The following CYP39A1 variants were observed in gnomAD, a reference collection of about 807,000 sequenced individuals.
The protein encoded by CYP39A1 is 24-hydroxycholesterol 7-alpha-hydroxylase.
In CYP39A1, 49 loss-of-function variants were observed where a neutral mutation model predicts 58.1. That is an observed-to-expected ratio of 0.84 (90% CI 0.67 to 1.07). CYP39A1 has a LOEUF of 1.07. CYP39A1 is among the 50% of genes least tolerant of loss of function. The pLI is 0.00. For synonymous variants in CYP39A1, 209 were observed against 187.6 expected, an observed-to-expected ratio of 1.11 and a Z score of -0.93; for missense variants, 531 against 539.4, an observed-to-expected ratio of 0.98 and a Z score of 0.16.
At chr6:46,582,206 A>G (rs994658630) in intron 10 of CYP39A1, among the ~76,000 whole-genome samples, 3 of 152,214 alleles carry the variant, frequency 2.0e-5, no homozygotes, top group African/African-American at 7.2e-5. Context: ...CAAATTCCTC[A>G]GAATAAATTG....
intron 10 of CYP39A1, 88 bp from the exon 11 acceptor site, chr6:46,553,942 CAG>C: frequency 1.2e-6 from 1 of 817,038 alleles, no homozygotes; most frequent in South Asian, 1.7e-5. Context: ...ATACATATTT[CAG>C]AGTAAACATG....
intron 1 of CYP39A1, among the ~76,000 whole-genome samples, chr6:46,648,952 TG>T (rs1220388774): frequency 6.6e-6 from 1 of 152,324 alleles, no homozygotes; most frequent in Non-Finnish European, 1.5e-5. Flanking sequence ...GCTTAAAAAA[TG>T]GTAAATTCTA....
intron 1 of CYP39A1, 95 bp downstream of exon 1, chr6:46,652,311 C>G: frequency 8.1e-7 from 1 of 1,227,796 alleles, no homozygotes; most frequent in Non-Finnish European, 1.1e-6. Context: ...GGTATGTTCC[C>G]CGTGTTCTAG....
chr6:46,551,531 T>C (rs1429357520), intron 11 of CYP39A1, among the ~76,000 whole-genome samples: 2 of 152,230 alleles, frequency 1.3e-5, no homozygotes, highest in African/African-American at 4.8e-5. Flanking sequence ...CACAGATCCT[T>C]AAACTTTGTA....
intron 8 of CYP39A1, among the ~76,000 whole-genome samples, chr6:46,591,930 G>T (rs1446070046): frequency 1.3e-5 from 2 of 151,796 alleles, no homozygotes; most frequent in Non-Finnish European, 2.9e-5. Context: ...TAATTCTTTT[G>T]GCTTTATAAC....
In CYP39A1 at chr6:46,576,747, G is replaced by T. The variant is rs117556452; in HGVS notation, c.1250+10330C>A. Among the ~76,000 whole-genome samples, 12 of 152,114 alleles carry T rather than the reference G, an allele frequency of 7.9e-5. No homozygotes were observed. The East Asian group carries it at 2.1e-3, about 27-fold the overall frequency. On this transcript the variant is annotated intron_variant, in intron 10 of 11. Coordinates refer to ENST00000275016, the MANE Select transcript of CYP39A1 (RefSeq NM_016593.5). ...AACCAAGTTGAGGAAAGAATCTCAG[G>T]GCTTGAAGACAGCTCCTTCAAATCA... is the stretch of plus-strand genomic sequence containing the variant.
intron 1 of CYP39A1, among the ~76,000 whole-genome samples, chr6:46,650,590 A>T (rs1762624785): frequency 1.5e-5 from 2 of 136,948 alleles, no homozygotes; most frequent in South Asian, 4.7e-4. Context: ...CGGAATCTGG[A>T]ACTCCTGAGC....
In CYP39A1 at chr6:46,615,033, T is replaced by C. The variant is rs1352828881; in HGVS notation, c.931+10385A>G. Among the ~76,000 whole-genome samples the C allele has an allele frequency of 2.0e-5, 3 of 152,094 alleles. 1 individual carries two copies. Among genetic ancestry groups the C allele is most frequent in the African/African-American group, 4.8e-5 (2 of 41,426 alleles). On this transcript the variant is annotated intron_variant, in intron 7 of 11. Transcript: ENST00000275016. Reference sequence around the variant, plus strand: ...TTCAGTAACTCTTGATTCAAAGTCTTGGGTTGGTAGATCTGAATGGCAAAG... The same window carrying C: ...TTCAGTAACTCTTGATTCAAAGTCTCGGGTTGGTAGATCTGAATGGCAAAG...
At chr6:46,646,557 C>A (rs973763374) in intron 1 of CYP39A1, among the ~76,000 whole-genome samples, 3 of 151,932 alleles carry the variant, frequency 2.0e-5, no homozygotes, top group Non-Finnish European at 4.4e-5. Context: ...GGTTTGAGAT[C>A]AAGGTAATAC....
Position 46,556,153 on chromosome 6 carries a change from A to G in CYP39A1, c.1251-2299T>C, listed in dbSNP as rs561447101. 4.9e-4 allele frequency among the ~76,000 whole-genome samples: 75 copies of G among 152,350 alleles called. No homozygotes were observed. The Middle Eastern group carries it at 0.01, about 21-fold the overall frequency. ...AGTTGGTGTTATCTTCCTGCCTTAA[A>G]TAACTCAAAAACGGGGCAAACTCCA... On this transcript the variant is annotated intron_variant, in intron 10 of 11. Transcript: ENST00000275016.
At chr6:46,558,047 A>G (rs989224488) in intron 10 of CYP39A1, among the ~76,000 whole-genome samples, 11 of 152,056 alleles carry the variant, frequency 7.2e-5, no homozygotes, top group South Asian at 4.1e-4. Flanking sequence ...AAGTAGCCAG[A>G]AAACAAAGAC....
At chr6:46,560,733 G>T (rs1770930081) in intron 10 of CYP39A1, among the ~76,000 whole-genome samples, 4 of 152,104 alleles carry the variant, frequency 2.6e-5, no homozygotes, top group Admixed American at 2.6e-4. Context: ...TTAAAGCCAT[G>T]GGGCAGTATG....
intron 1 of CYP39A1, among the ~76,000 whole-genome samples, chr6:46,642,683 A>G (rs1294415581): frequency 6.6e-6 from 1 of 152,190 alleles, no homozygotes; most frequent in African/African-American, 2.4e-5. Context: ...AAAAGGTTCA[A>G]AATTGCCAAC....
At chr6:46,631,356 G>A (rs926463578) in intron 5 of CYP39A1, among the ~76,000 whole-genome samples, 12 of 152,132 alleles carry the variant, frequency 7.9e-5, no homozygotes, top group African/African-American at 2.9e-4. Flanking sequence ...CTGTGCCTCT[G>A]TGTCCTCATC....
At chr6:46,556,298 G>A (rs1770662184) in intron 10 of CYP39A1, among the ~76,000 whole-genome samples, 1 of 152,216 alleles carries the variant, frequency 6.6e-6, no homozygotes, top group Non-Finnish European at 1.5e-5. Flanking sequence ...TCACAGGTCT[G>A]AGAGTATTAT....
intron 7 of CYP39A1, among the ~76,000 whole-genome samples, chr6:46,596,724 A>T (rs1171147592): frequency 1.3e-5 from 2 of 152,056 alleles, no homozygotes; most frequent in African/African-American, 4.8e-5. Context: ...TTTAGACTGA[A>T]AGCACCTGAA....
chr6:46,627,350 G>T (rs2150575047), intron 6 of CYP39A1, among the ~76,000 whole-genome samples: 1 of 152,142 alleles, frequency 6.6e-6, no homozygotes, highest in East Asian at 1.9e-4. Flanking sequence ...CAATAAAATT[G>T]GATACTACTT....
chr6:46,560,254 T>G (rs530265765), intron 10 of CYP39A1, among the ~76,000 whole-genome samples: 13 of 152,160 alleles, frequency 8.5e-5, no homozygotes, highest in Non-Finnish European at 1.6e-4. Context: ...ACACTGAGAA[T>G]AAAATATAGG....
At chr6:46,583,657 T>TA in intron 10 of CYP39A1, 4 of 942,564 alleles carry the variant, frequency 4.2e-6, no homozygotes, top group Non-Finnish European at 5.1e-6. Flanking sequence ...TTCTTCCATG[T>TA]GCTACAAGGA....
Sources: allele counts gnomAD v4.1 joint callset (sites outside exome capture counted in the v4.1 genomes callset), GRCh38; gene constraint gnomAD v4.1.1; transcripts MANE v1.5; gene names NCBI Gene and HGNC (gene_info 2026-07-23, HGNC 2026-07-21).